Variants in ITGB5 observed in about 807,000 individuals in gnomAD.
ITGB5 encodes integrin beta-5.
A neutral mutation model predicts 84.8 loss-of-function variants in ITGB5; 38 were observed. The observed-to-expected ratio is 0.45, with a 90% CI of 0.35 to 0.59. The LOEUF is 0.59. Among genes scored for constraint, ITGB5 ranks in the 20% least tolerant of loss-of-function variants. The pLI is 0.01. For missense variants in ITGB5, 905 were observed against 1,034.5 expected (o/e 0.87, Z 1.72); for synonymous variants, 393 against 414.4 (o/e 0.95, Z 0.63).
At position 124,784,571 on chromosome 3, in the gene ITGB5, G is replaced by A. The variant is rs563350141; in HGVS notation, c.1694-10659C>T. ...GTCACAGGGAGATTAAGGCAGTGGA[G>A]GGAAGATGGACAAATCCTGTGTTCT... On this transcript the variant is annotated intron_variant, in intron 10 of 14. Transcript: ENST00000296181. Among the ~76,000 whole-genome samples, 4 of 152,340 alleles carry A rather than the reference G, an allele frequency of 2.6e-5. No individual in the cohort carries two copies. The South Asian group carries it at 8.3e-4, about 32-fold the overall frequency.
chr3:124,797,431 G>C (rs1420205125), intron 9 of ITGB5, among the ~76,000 whole-genome samples: 1 of 152,006 alleles, frequency 6.6e-6, no homozygotes, highest in African/African-American at 2.4e-5. Flanking sequence ...TGTCATAGCT[G>C]CATCTTTCAC....
intron 1 of ITGB5, among the ~76,000 whole-genome samples, chr3:124,879,017 T>C (rs1934456484): frequency 6.6e-6 from 1 of 152,178 alleles, no homozygotes; most frequent in Admixed American, 6.5e-5. Flanking sequence ...CAAACTGTAA[T>C]CTAAAAATAT....
At chr3:124,798,701 C>T (rs1177254347) in intron 9 of ITGB5, among the ~76,000 whole-genome samples, 1 of 152,210 alleles carries the variant, frequency 6.6e-6, no homozygotes, top group Non-Finnish European at 1.5e-5. Context: ...GTTGGGATTA[C>T]AGGCGTGAGC....
chr3:124,863,926 T>C (rs971244866), intron 2 of ITGB5, among the ~76,000 whole-genome samples: 1 of 144,666 alleles, frequency 6.9e-6, no homozygotes, highest in Non-Finnish European at 1.5e-5. Context: ...TATACAAACA[T>C]TATAAATCTG....
intron 1 of ITGB5, among the ~76,000 whole-genome samples, chr3:124,898,694 T>C (rs1196785956): frequency 3.4e-5 from 4 of 117,298 alleles, no homozygotes; most frequent in African/African-American, 1.3e-4. Context: ...CTTTGGGAGG[T>C]TGAAGCAGGA....
At chr3:124,826,029 T>C (rs981393061) in intron 5 of ITGB5, among the ~76,000 whole-genome samples, 2 of 152,170 alleles carry the variant, frequency 1.3e-5, no homozygotes, top group Non-Finnish European at 2.9e-5. Flanking sequence ...CAATATAAGA[T>C]GAAAACAAAG....
intron 8 of ITGB5, among the ~76,000 whole-genome samples, chr3:124,816,495 T>A (rs1371673381): frequency 1.3e-5 from 2 of 152,192 alleles, no homozygotes; most frequent in African/African-American, 2.4e-5. Flanking sequence ...ATAACTTAGT[T>A]TTAACAGGAA....
intron 8 of ITGB5, chr3:124,809,394 A>G (rs1028399659): frequency 9.8e-6 from 5 of 508,408 alleles, no homozygotes; most frequent in African/African-American, 9.5e-5. Flanking sequence ...AGAAGTTGAT[A>G]GTGGTTGACC....
intron 1 of ITGB5, among the ~76,000 whole-genome samples, chr3:124,900,494 G>A: frequency 6.6e-6 from 1 of 152,172 alleles, no homozygotes; most frequent in East Asian, 1.9e-4. Flanking sequence ...GTGATTGTGG[G>A]CTCAGGAAAA....
chr3:124,801,668 G>A (rs2107525710), intron 9 of ITGB5, among the ~76,000 whole-genome samples: 1 of 152,308 alleles, frequency 6.6e-6, no homozygotes, highest in South Asian at 2.1e-4. Context: ...AGACCCTCCA[G>A]CTATGCTTGA....
chr3:124,874,133 G>A (rs1174753644), intron 1 of ITGB5, among the ~76,000 whole-genome samples: 2 of 150,302 alleles, frequency 1.3e-5, no homozygotes, highest in African/African-American at 4.9e-5. Flanking sequence ...TTTTGGAGGC[G>A]AAAGCAGGAG....
At chr3:124,889,145 C>T (rs61759457), upstream of ITGB5, among the ~76,000 whole-genome samples, 1 of 152,316 alleles carries the variant, frequency 6.6e-6, no homozygotes, top group African/African-American at 2.4e-5. Flanking sequence ...ACAGGAAATT[C>T]CTTTTGGACA....
At chr3:124,808,998 A>G (rs2064454255) in intron 9 of ITGB5, 24 bp downstream of exon 9, 1 of 1,610,440 alleles carries the variant, frequency 6.2e-7, no homozygotes, top group African/African-American at 1.3e-5. Flanking sequence ...ACAAGAGTTC[A>G]TACAAACTTG....
At chr3:124,858,888 G>C (rs60921556) in intron 3 of ITGB5, among the ~76,000 whole-genome samples, 3,339 of 152,286 alleles carry the variant, frequency 0.022, 144 homozygotes, top group African/African-American at 0.076. Flanking sequence ...TAGATTTTCT[G>C]TTTAGGACGA....
chr3:124,863,493 T>C (rs2065335645), intron 2 of ITGB5, among the ~76,000 whole-genome samples: 1 of 152,192 alleles, frequency 6.6e-6, no homozygotes, highest in African/African-American at 2.4e-5. Context: ...GAGCTTCGCC[T>C]CTATTCCATG....
chr3:124,886,167 T>C (rs531890104), intron 1 of ITGB5, among the ~76,000 whole-genome samples: 4 of 152,304 alleles, frequency 2.6e-5, no homozygotes, highest in African/African-American at 9.6e-5. Flanking sequence ...CCACAGCCCC[T>C]GTCCTCTGCT....
intron 1 of ITGB5, among the ~76,000 whole-genome samples, 171 bp downstream of exon 1, chr3:124,886,759 CG>C (rs2107656108): frequency 6.6e-6 from 1 of 151,596 alleles, no homozygotes; most frequent in Admixed American, 6.5e-5. Context: ...GGCGGGGCTG[CG>C]CGCGGGGAGC....
chr3:124,809,209 G>A, intron 8 of ITGB5, 53 bp from the exon 9 acceptor site: 12 of 1,601,960 alleles, frequency 7.5e-6, no homozygotes, highest in Non-Finnish European at 1.0e-5. Context: ...CTGTGGCTGA[G>A]GTGCTCCCAC....
At chr3:124,851,647 A>G (rs1336926008) in intron 3 of ITGB5, among the ~76,000 whole-genome samples, 13 of 149,836 alleles carry the variant, frequency 8.7e-5, no homozygotes, top group African/African-American at 3.2e-4. Flanking sequence ...ACACACGCAC[A>G]CATCCCTTCC....
Sources: gnomAD v4.1 joint callset for allele counts (sites outside exome capture counted in the v4.1 genomes callset) on GRCh38, gnomAD v4.1.1 for gene constraint, MANE v1.5 for transcripts, NCBI Gene and HGNC (gene_info 2026-07-23, HGNC 2026-07-21) for gene names.